The following CNIH3 variants were observed in gnomAD, a reference collection of about 807,000 sequenced individuals.
The protein encoded by CNIH3 is cornichon family AMPA receptor auxiliary protein 3, also known as protein cornichon homolog 3.
CNIH3 carries 14 observed loss-of-function variants against 24.1 expected under a neutral mutation model. The ratio of observed to expected loss-of-function variants is 0.58; its 90% CI spans 0.38 to 0.91. CNIH3 has a LOEUF of 0.91. Ranked by LOEUF, CNIH3 falls within the 40% of genes least tolerant of loss-of-function variation. The pLI is 0.00. For missense variants in CNIH3, 178 were observed against 196.8 expected, an observed-to-expected ratio of 0.90 and a Z score of 0.57; for synonymous variants, 68 against 73.8, an observed-to-expected ratio of 0.92 and a Z score of 0.40.
intron 4 of CNIH3, among the ~76,000 whole-genome samples, chr1:224,732,374 A>G (rs1474823074): frequency 2.0e-5 from 3 of 152,220 alleles, no homozygotes; most frequent in African/African-American, 7.2e-5. Flanking sequence ...AGATTCGGTT[A>G]CATCGAGAAG....
rs537918837 is a variant in CNIH3, at chr1:224,568,711, G to A, written n.516+2447G>A. The stretch of plus-strand genomic sequence containing the variant: ...TGGGGCCGTAGTGAACCTTGATCAC[G>A]TCATTGCATTCCAGCCTGGGTGACA... On this transcript the variant is annotated intron_variant and non_coding_transcript_variant, in intron 4 of 5. Coordinates refer to the CNIH3 transcript ENST00000471578. Among the ~76,000 whole-genome samples, 12 of 152,098 alleles carry A rather than the reference G, an allele frequency of 7.9e-5. 1 individual carries two copies. In the South Asian group the frequency reaches 8.3e-4, roughly 11 times the overall value.
intron 3 of CNIH3, among the ~76,000 whole-genome samples, chr1:224,556,957 A>T (rs1469340494): frequency 6.6e-6 from 1 of 152,192 alleles, no homozygotes; most frequent in East Asian, 1.9e-4. Context: ...GACTACAAGG[A>T]GCACATTTCA....
intron 3 of CNIH3, among the ~76,000 whole-genome samples, chr1:224,728,626 T>C (rs1054625325): frequency 2.6e-5 from 4 of 152,262 alleles, no homozygotes; most frequent in Non-Finnish European, 4.4e-5. Flanking sequence ...ATTTTTAATG[T>C]GTGCGTATGT....
At chr1:224,541,308 G>A (rs1487401974), downstream of CNIH3, among the ~76,000 whole-genome samples, 1 of 152,134 alleles carries the variant, frequency 6.6e-6, no homozygotes, top group East Asian at 1.9e-4. Context: ...GACATTAAGT[G>A]TCACTTCCAA....
intron 3 of CNIH3, among the ~76,000 whole-genome samples, chr1:224,563,125 C>G (rs1238271656): frequency 1.3e-5 from 2 of 152,150 alleles, no homozygotes; most frequent in African/African-American, 4.8e-5. Flanking sequence ...ATGTTCATAG[C>G]ATCATTACTC....
intron 1 of CNIH3, among the ~76,000 whole-genome samples, chr1:224,451,384 A>G (rs1572265149): frequency 6.6e-6 from 1 of 152,218 alleles, no homozygotes; most frequent in Non-Finnish European, 1.5e-5. Flanking sequence ...AGAGATCCAT[A>G]CTTTTTTTCT....
intron 1 of CNIH3, among the ~76,000 whole-genome samples, chr1:224,455,081 C>T (rs1457843494): frequency 4.6e-5 from 7 of 152,164 alleles, no homozygotes; most frequent in Admixed American, 3.9e-4. Context: ...CTACCTTAAA[C>T]GTGCTCAGAA....
intron 3 of CNIH3, among the ~76,000 whole-genome samples, chr1:224,724,484 G>T (rs1688912765): frequency 6.6e-6 from 1 of 152,196 alleles, no homozygotes; most frequent in East Asian, 1.9e-4. Flanking sequence ...TATTCATTTG[G>T]GAACAAATGG....
At chr1:224,735,007 C>G (rs773702234) in intron 5 of CNIH3, among the ~76,000 whole-genome samples, 15 of 152,188 alleles carry the variant, frequency 9.9e-5, no homozygotes, top group Non-Finnish European at 1.0e-4. Flanking sequence ...GTTGGCTACT[C>G]CTTCTTCCCT....
chr1:224,573,856 C>T lies in CNIH3; in HGVS notation n.516+7592C>T, dbSNP rs575343336. Among the ~76,000 whole-genome samples, 6 of 152,184 alleles carry T rather than the reference C, an allele frequency of 3.9e-5. No homozygotes were observed. The South Asian group carries it at 8.3e-4, about 21-fold the overall frequency. ...TAACTAGGAAGGTAATTCACTTGCA[C>T]GTAGATGCTTTGTAGTTCCTTCCAT... On this transcript the variant is annotated intron_variant and non_coding_transcript_variant, in intron 4 of 5. Transcript: ENST00000471578.
At chr1:224,706,792 G>GT (rs375830297) in intron 3 of CNIH3, among the ~76,000 whole-genome samples, 136 of 152,110 alleles carry the variant, frequency 8.9e-4, no homozygotes, top group African/African-American at 3.1e-3. Flanking sequence ...TGAAACCAGG[G>GT]TTTTTTCCCT....
intron 1 of CNIH3, among the ~76,000 whole-genome samples, chr1:224,668,687 A>G (rs1685717841): frequency 1.3e-5 from 2 of 152,160 alleles, no homozygotes; most frequent in African/African-American, 4.8e-5. Flanking sequence ...GAGGCTGAAA[A>G]CAAGGATCCC....
chr1:224,723,549 C>T (rs749732650), intron 3 of CNIH3, among the ~76,000 whole-genome samples: 3 of 152,206 alleles, frequency 2.0e-5, no homozygotes, highest in Non-Finnish European at 2.9e-5. Flanking sequence ...GGAAGCAGCC[C>T]GTCACTCCTC....
intron 3 of CNIH3, among the ~76,000 whole-genome samples, chr1:224,722,377 G>A (rs1688766384): frequency 6.6e-6 from 1 of 152,188 alleles, no homozygotes; most frequent in Non-Finnish European, 1.5e-5. Flanking sequence ...TTTGTAACAA[G>A]TGCTCTAGGC....
chr1:224,730,650 A>G, intron 4 of CNIH3, 76 bp downstream of exon 4: 2 of 839,870 alleles, frequency 2.4e-6, no homozygotes, highest in Non-Finnish European at 3.9e-6. Flanking sequence ...GATGTCACCC[A>G]AATAGACAGC....
At chr1:224,707,568 C>T (rs1052816591) in intron 3 of CNIH3, among the ~76,000 whole-genome samples, 6 of 152,050 alleles carry the variant, frequency 3.9e-5, no homozygotes, top group Non-Finnish European at 5.9e-5. Context: ...TGGGACGGTC[C>T]GAGAATATTG....
rs187022981 is a variant in CNIH3, at chr1:224,566,891, G to A, written n.516+627G>A. On this transcript the variant is annotated intron_variant and non_coding_transcript_variant, in intron 4 of 5. Coordinates refer to the CNIH3 transcript ENST00000471578. ...TTCTTTGGGTATATACCCAGTAATG[G>A]GATTGCTGGGTCAAATGGTATTTCT... is the stretch of plus-strand genomic sequence containing the variant. 4.9e-3 allele frequency among the ~76,000 whole-genome samples: 751 copies of A among 152,242 alleles called. 13 individuals carry two copies. Among genetic ancestry groups the A allele is most frequent in the African/African-American group, 0.017 (706 of 41,528 alleles).
chr1:224,661,207 T>A (rs1286233504), intron 1 of CNIH3: 2 of 275,646 alleles, frequency 7.3e-6, no homozygotes, highest in African/African-American at 2.3e-5. Context: ...CTCCTCACCA[T>A]GTATCGTTAA....
chr1:224,501,354 TATTTAATCTC>T (rs1677657657), intron 1 of CNIH3, among the ~76,000 whole-genome samples: 1 of 152,014 alleles, frequency 6.6e-6, no homozygotes, highest in Non-Finnish European at 1.5e-5. Context: ...CTCATAATTT[TATTTAATCTC>T]ATTTAATCTT....
Sources: allele counts gnomAD v4.1 joint callset (sites outside exome capture counted in the v4.1 genomes callset), GRCh38; gene constraint gnomAD v4.1.1; transcripts MANE v1.5; gene names NCBI Gene and HGNC (gene_info 2026-07-23, HGNC 2026-07-21).